The following GALNT13 variants were observed in gnomAD, a reference collection of about 807,000 sequenced individuals.
GALNT13 encodes the protein UDP-GalNAc:polypeptide N-acetylgalactosaminyltransferase 13.
Under a neutral mutation model 64.2 loss-of-function variants are expected in GALNT13, and 28 were observed. The observed-to-expected ratio is 0.44, with a 90% CI of 0.32 to 0.60. The LOEUF (loss-of-function observed/expected upper bound fraction) is 0.60. Among genes scored for constraint, GALNT13 ranks in the 20% least tolerant of loss-of-function variants. The probability of loss-of-function intolerance (pLI) is 0.05; values close to 1 mark genes in which losing one functional copy is unlikely to be tolerated. For missense variants in GALNT13, 577 were observed against 669.8 expected, an observed-to-expected ratio of 0.86 and a Z score of 1.53; for synonymous variants, 214 against 224.6, an observed-to-expected ratio of 0.95 and a Z score of 0.42.
the GALNT13 span, among the ~76,000 whole-genome samples, chr2:153,340,122 G>T: frequency 6.6e-6 from 1 of 152,006 alleles, no homozygotes; most frequent in African/African-American, 2.4e-5. Flanking sequence ...ATTTTTTTCT[G>T]TATCTGTGAA....
the GALNT13 span, among the ~76,000 whole-genome samples, chr2:153,188,590 CT>C: frequency 6.6e-6 from 1 of 152,030 alleles, no homozygotes; most frequent in African/African-American, 2.4e-5. Flanking sequence ...ACTCCAGGAA[CT>C]TTTTTTCTGG....
At chr2:153,752,848 TTC>T in the GALNT13 span, among the ~76,000 whole-genome samples, 1 of 152,144 alleles carries the variant, frequency 6.6e-6, no homozygotes, top group African/African-American at 2.4e-5. Context: ...CTGTATCTCT[TTC>T]TCTGTCTCCT....
chr2:153,872,798 C>G (rs1341781934), intron 1 of GALNT13, among the ~76,000 whole-genome samples: 3 of 152,126 alleles, frequency 2.0e-5, no homozygotes, highest in Non-Finnish European at 4.4e-5. Context: ...TGGGTGTCTT[C>G]CTCGACGGTT....
the GALNT13 span, among the ~76,000 whole-genome samples, chr2:153,460,064 T>G: frequency 6.6e-6 from 1 of 152,108 alleles, no homozygotes; most frequent in Non-Finnish European, 1.5e-5. Flanking sequence ...GTAAGATACA[T>G]ATAAGATAAA....
chr2:153,770,988 A>G, the GALNT13 span, among the ~76,000 whole-genome samples: 1 of 152,160 alleles, frequency 6.6e-6, no homozygotes, highest in African/African-American at 2.4e-5. Context: ...CTTCTAATCT[A>G]GAAGAGTTGG....
the GALNT13 span, among the ~76,000 whole-genome samples, chr2:153,631,566 G>C: frequency 6.6e-6 from 1 of 152,200 alleles, no homozygotes; most frequent in South Asian, 2.1e-4. Context: ...GGCCAGTGAT[G>C]ATGAGCATTT....
At chr2:153,694,080 C>A in the GALNT13 span, among the ~76,000 whole-genome samples, 6 of 152,266 alleles carry the variant, frequency 3.9e-5, no homozygotes, top group South Asian at 1.2e-3. Flanking sequence ...TGCACTCCAG[C>A]CTGGGGAACA....
intron 3 of GALNT13, among the ~76,000 whole-genome samples, chr2:154,131,097 T>C (rs1412091050): frequency 1.3e-5 from 2 of 152,210 alleles, no homozygotes; most frequent in African/African-American, 4.8e-5. Context: ...TTAAATATTT[T>C]TTATTGAGGA....
At chr2:153,960,245 G>C (rs1480361756) in intron 3 of GALNT13, among the ~76,000 whole-genome samples, 1 of 152,206 alleles carries the variant, frequency 6.6e-6, no homozygotes, top group Non-Finnish European at 1.5e-5. Context: ...TTCACTGATT[G>C]CTGACTGCTG....
At chr2:153,371,109 A>G in the GALNT13 span, 1 of 168,942 alleles carries the variant, frequency 5.9e-6, no homozygotes, top group African/African-American at 2.4e-5. Flanking sequence ...GGTTTTCACC[A>G]AGACAAAAAA....
At chr2:153,529,497 A>C in the GALNT13 span, among the ~76,000 whole-genome samples, 2 of 152,022 alleles carry the variant, frequency 1.3e-5, no homozygotes, top group Admixed American at 6.5e-5. Context: ...AGAGTAACTA[A>C]TACCAATCCT....
Position 154,095,410 on chromosome 2 carries a change from A to G in GALNT13, c.143-44927A>G, listed in dbSNP as rs577062873. 2.6e-5 allele frequency among the ~76,000 whole-genome samples: 4 copies of G among 152,044 alleles called. No homozygotes were observed. The South Asian group carries it at 8.3e-4, about 32-fold the overall frequency. ...AAATGTTTGTGATAACTGTAGTTCAATGTAATTGGGTGTTTTTTGCAACCC... is the reference window on the plus strand; with the variant it reads ...AAATGTTTGTGATAACTGTAGTTCAGTGTAATTGGGTGTTTTTTGCAACCC... On this transcript the variant is annotated intron_variant, in intron 3 of 12. Coordinates refer to ENST00000392825, the MANE Select transcript of GALNT13 (RefSeq NM_052917.4).
chr2:154,214,288 A>T (rs897345257), intron 4 of GALNT13, among the ~76,000 whole-genome samples: 3 of 152,102 alleles, frequency 2.0e-5, no homozygotes, highest in Non-Finnish European at 4.4e-5. Context: ...ATTGAATCCA[A>T]ATGGATTTTC....
At chr2:154,326,688 T>C (rs1423224059) in intron 9 of GALNT13, among the ~76,000 whole-genome samples, 1 of 152,122 alleles carries the variant, frequency 6.6e-6, no homozygotes. Context: ...CTATATCCCT[T>C]TTTATACTTA....
At chr2:154,104,131 G>C (rs979342903) in intron 3 of GALNT13, among the ~76,000 whole-genome samples, 4 of 151,608 alleles carry the variant, frequency 2.6e-5, no homozygotes, top group Non-Finnish European at 5.9e-5. Context: ...CCTGTATAAG[G>C]GCTTGCCATC....
At chr2:153,560,265 T>C in the GALNT13 span, among the ~76,000 whole-genome samples, 1 of 152,056 alleles carries the variant, frequency 6.6e-6, no homozygotes, top group Non-Finnish European at 1.5e-5. Flanking sequence ...AGGAAATATA[T>C]ACATTTTTCA....
At chr2:153,519,512 CTG>C in the GALNT13 span, among the ~76,000 whole-genome samples, 3 of 152,048 alleles carry the variant, frequency 2.0e-5, no homozygotes, top group Non-Finnish European at 4.4e-5. Flanking sequence ...TTCTTTTTAA[CTG>C]TTTTATGATT....
chr2:153,966,372 C>CT (rs35037727), intron 3 of GALNT13, among the ~76,000 whole-genome samples: 36,964 of 145,626 alleles, frequency 0.25, 4,812 homozygotes, highest in Non-Finnish European at 0.3. Flanking sequence ...TGTTGGGATT[C>CT]TTTTTTTTTT....
the GALNT13 span, among the ~76,000 whole-genome samples, chr2:153,114,817 T>C: frequency 1.3e-5 from 2 of 151,974 alleles, no homozygotes; most frequent in South Asian, 2.1e-4. Flanking sequence ...CTACTAACAC[T>C]TGTTTTTCTT....
Sources: allele counts gnomAD v4.1 joint callset (sites outside exome capture counted in the v4.1 genomes callset), GRCh38; gene constraint gnomAD v4.1.1; transcripts MANE v1.5; gene names NCBI Gene and HGNC (gene_info 2026-07-23, HGNC 2026-07-21).